UST: variants seen among roughly 807,000 people sequenced by gnomAD.
UST encodes the protein chondroitin sulfate 2-O-sulfotransferase.
A neutral mutation model predicts 45.6 loss-of-function variants in UST; 21 were observed. The ratio of observed to expected loss-of-function variants is 0.46; its 90% CI spans 0.33 to 0.66. UST has a LOEUF of 0.66. Among genes scored for constraint, UST ranks in the 30% least tolerant of loss-of-function variants. The pLI, the probability that UST is intolerant of heterozygous loss-of-function variation, is 0.02. For missense variants in UST, 463 were observed against 512.4 expected (o/e 0.90, Z 0.93); for synonymous variants, 215 against 200.6 (o/e 1.07, Z -0.61).
chr6:148,767,323 G>A (rs1410423868), intron 1 of UST, among the ~76,000 whole-genome samples: 1 of 152,174 alleles, frequency 6.6e-6, no homozygotes, highest in Non-Finnish European at 1.5e-5. Flanking sequence ...TCACACCCTT[G>A]TATGATTTCA....
chr6:148,874,959 T>C (rs980114462), intron 1 of UST, among the ~76,000 whole-genome samples: 2 of 152,228 alleles, frequency 1.3e-5, no homozygotes, highest in Non-Finnish European at 2.9e-5. Context: ...TATCAAGGCC[T>C]GGACTCCCGG....
At chr6:148,994,099 A>G (rs2114995680) in intron 5 of UST, among the ~76,000 whole-genome samples, 1 of 150,982 alleles carries the variant, frequency 6.6e-6, no homozygotes, top group East Asian at 1.9e-4. Flanking sequence ...CCTCCCAACA[A>G]CCTGGGACTA....
chr6:148,979,108 A>T (rs1781080041), intron 5 of UST, among the ~76,000 whole-genome samples: 1 of 152,124 alleles, frequency 6.6e-6, no homozygotes, highest in South Asian at 2.1e-4. Flanking sequence ...GTCCTTTTTG[A>T]TAACCCACCA....
intron 1 of UST, among the ~76,000 whole-genome samples, chr6:148,810,123 G>A (rs764828531): frequency 6.6e-6 from 1 of 152,184 alleles, no homozygotes; most frequent in Non-Finnish European, 1.5e-5. Flanking sequence ...CCAGTAGCCA[G>A]AAGCAAGCTG....
intron 2 of UST, among the ~76,000 whole-genome samples, chr6:148,915,393 C>T (rs952618008): frequency 1.3e-5 from 2 of 152,082 alleles, no homozygotes; most frequent in African/African-American, 4.8e-5. Flanking sequence ...GGAGCTCTAG[C>T]CATCATATCT....
chr6:148,910,156 T>TTTTTTC (rs1184456005), intron 2 of UST, among the ~76,000 whole-genome samples: 18 of 108,110 alleles, frequency 1.7e-4, no homozygotes, highest in African/African-American at 6.5e-4. Context: ...TTTTTTTTTT[T>TTTTTTC]TGAGACAGAG....
At position 148,944,320 on chromosome 6, in the gene UST, G is replaced by T. The variant is rs551759917; in HGVS notation, c.447+2886G>T. 5.9e-5 allele frequency among the ~76,000 whole-genome samples: 9 copies of T among 152,210 alleles called. No homozygotes were observed. The East Asian group carries it at 1.7e-3, about 29-fold the overall frequency. On this transcript the variant is annotated intron_variant, in intron 3 of 7. Coordinates refer to ENST00000367463, the MANE Select transcript of UST (RefSeq NM_005715.3). ...GGGCTGGCCTGGGACTTTATCCACCGTGTAGAGAATTTCTTTTATGAGAAA... is the reference window on the plus strand; with the variant it reads ...GGGCTGGCCTGGGACTTTATCCACCTTGTAGAGAATTTCTTTTATGAGAAA...
At position 148,922,249 on chromosome 6, in the gene UST, C is replaced by T. The variant is rs994811283; in HGVS notation, c.292-19030C>T. Among the ~76,000 whole-genome samples the T allele has an allele frequency of 2.0e-5, 3 of 152,192 alleles. No homozygotes were observed. In the East Asian group the frequency reaches 5.8e-4, roughly 29 times the overall value. ...TGTACCTATTGACTGTCACTCCCCA[C>T]ATCCCCCATGACCTCCAACCCCTGA... On this transcript the variant is annotated intron_variant, in intron 2 of 7. Transcript: ENST00000367463.
chr6:149,013,605 G>C (rs1775851804), intron 5 of UST, among the ~76,000 whole-genome samples: 1 of 152,164 alleles, frequency 6.6e-6, no homozygotes, highest in South Asian at 2.1e-4. Context: ...GTAGCTGAGA[G>C]AAACTGAGGC....
chr6:148,853,291 T>G (rs1778140883), intron 1 of UST, among the ~76,000 whole-genome samples: 1 of 152,262 alleles, frequency 6.6e-6, no homozygotes, highest in Non-Finnish European at 1.5e-5. Context: ...ATCTTGTTCC[T>G]TTTTATGGCT....
At chr6:148,901,498 C>CTAGAG (rs1301530508) in intron 2 of UST, among the ~76,000 whole-genome samples, 1 of 151,462 alleles carries the variant, frequency 6.6e-6, no homozygotes, top group African/African-American at 2.4e-5. Flanking sequence ...CAGAGAGGAA[C>CTAGAG]TAGAGGGGCA....
chr6:148,827,338 T>G (rs1305388978), intron 1 of UST, among the ~76,000 whole-genome samples: 1 of 152,056 alleles, frequency 6.6e-6, no homozygotes, highest in Non-Finnish European at 1.5e-5. Context: ...AAGAAGAGTC[T>G]GGGGCCGGCC....
chr6:149,026,146 TA>T (rs771431174), intron 7 of UST, among the ~76,000 whole-genome samples: 2,669 of 87,716 alleles, frequency 0.03, 93 homozygotes, highest in African/African-American at 0.083. Flanking sequence ...AGACTCCATC[TA>T]AAAAAAAAAA....
intron 2 of UST, among the ~76,000 whole-genome samples, chr6:148,896,130 AT>A (rs1435975844): frequency 6.6e-6 from 1 of 152,214 alleles, no homozygotes; most frequent in Admixed American, 6.5e-5. Flanking sequence ...CTTGGAGAAG[AT>A]TTCTGGATCC....
chr6:148,747,394 T>C lies in UST; in HGVS notation c.-37T>C. The C allele has an allele frequency of 1.5e-6, 2 of 1,371,656 alleles. No individual in the cohort carries two copies. The highest frequency in any genetic ancestry group is 3.0e-5 in the East Asian group (1 of 32,922). 85.0% of individuals were successfully genotyped at this position (1,371,656 alleles called of 1,614,324 possible). A position where few individuals can be genotyped will look rare whatever the true frequency, so the allele number is the denominator to read the frequency against. ...TCGCGGCGGATGGGTGACCTTTTCC[T>C]GGCACGGGCAGGCTGTGGGAGGCAG... On this transcript the variant is annotated 5_prime_UTR_variant, in exon 1 of 8. Coordinates refer to ENST00000367463, the MANE Select transcript of UST (RefSeq NM_005715.3).
At chr6:148,851,422 A>G (rs1778103207) in intron 1 of UST, among the ~76,000 whole-genome samples, 1 of 152,230 alleles carries the variant, frequency 6.6e-6, no homozygotes, top group Non-Finnish European at 1.5e-5. Flanking sequence ...ACCAAGGTAG[A>G]AAATTCCTGG....
intron 5 of UST, chr6:148,964,787 T>C: frequency 1.7e-6 from 1 of 590,422 alleles, no homozygotes; most frequent in South Asian, 2.2e-5. Flanking sequence ...TGATTTTGCT[T>C]TGCTCAGTTG....
intron 2 of UST, among the ~76,000 whole-genome samples, chr6:148,908,744 C>T (rs549428846): frequency 3.8e-4 from 58 of 152,210 alleles, no homozygotes; most frequent in African/African-American, 1.3e-3. Flanking sequence ...TAGTTCAAAA[C>T]GTGCCAATGA....
chr6:148,808,426 G>A (rs1009195866), intron 1 of UST, among the ~76,000 whole-genome samples: 4 of 151,916 alleles, frequency 2.6e-5, no homozygotes, highest in African/African-American at 9.7e-5. Flanking sequence ...GCCTGCTTGT[G>A]AGGGGGGTGG....
Sources: gnomAD v4.1 joint callset for allele counts (sites outside exome capture counted in the v4.1 genomes callset) on GRCh38, gnomAD v4.1.1 for gene constraint, MANE v1.5 for transcripts, NCBI Gene and HGNC (gene_info 2026-07-23, HGNC 2026-07-21) for gene names.